A4GALT: variants seen among roughly 807,000 people sequenced by gnomAD.
The protein encoded by A4GALT is lactosylceramide 4-alpha-galactosyltransferase.
For synonymous variants in A4GALT, 257 were observed against 220.7 expected, an observed-to-expected ratio of 1.16 and a Z score of -1.46; for missense variants, 512 against 486.0, an observed-to-expected ratio of 1.05 and a Z score of -0.50.
intron 1 of A4GALT, among the ~76,000 whole-genome samples, chr22:42,716,978 G>A (rs901646635): frequency 3.9e-5 from 6 of 152,190 alleles, no homozygotes; most frequent in Admixed American, 6.5e-5. Context: ...ACTGCACAGC[G>A]TGACCGCAGA....
At position 42,692,847 on chromosome 22, in the gene A4GALT, T is replaced by G. The variant is rs772699379; in HGVS notation, c.*43A>C. 62 of 1,594,044 alleles carry G rather than the reference T, an allele frequency of 3.9e-5. No individual in the cohort carries two copies. Among genetic ancestry groups the G allele is most frequent in the Non-Finnish European group, 5.1e-5 (60 of 1,175,994 alleles). ...TGCCTCCCCGGGAAGGGCGGCCCAGTGCCCCATCAGGAGCAGGTTGGGGAG... is the reference window on the plus strand; with the variant it reads ...TGCCTCCCCGGGAAGGGCGGCCCAGGGCCCCATCAGGAGCAGGTTGGGGAG... On this transcript the variant is annotated 3_prime_UTR_variant, in exon 3 of 3. Transcript: ENST00000642412. This position sits in a 1 kb window ranked among gnomAD's most constrained non-coding sequence, Gnocchi z 4.6.
chr22:42,702,301 C>CT (rs200503653), intron 1 of A4GALT, among the ~76,000 whole-genome samples: 2,261 of 151,780 alleles, frequency 0.015, 61 homozygotes, highest in African/African-American at 0.052. Flanking sequence ...TGTGTCCCCC[C>CT]CCGGAAAAAG....
chr22:42,720,725 T>A (rs1429312691), intron 1 of A4GALT, 72 bp downstream of exon 1: 4 of 150,672 alleles, frequency 2.7e-5, no homozygotes, highest in African/African-American at 9.8e-5. Context: ...CCGAGGCGCC[T>A]CCTCCCCACT....
At position 42,705,474 on chromosome 22, in the gene A4GALT, G is replaced by A. The variant is rs530086848; in HGVS notation, c.-187-9843C>T. Among the ~76,000 whole-genome samples, 39 of 128,512 alleles carry A rather than the reference G, an allele frequency of 3.0e-4. 7 individuals carry two copies. The South Asian group carries it at 9.1e-3, about 30-fold the overall frequency. The allele number at this position is 128,512 out of a possible 152,430, so 84.3% of individuals were successfully genotyped here. A position where few individuals can be genotyped will look rare whatever the true frequency, so the allele number is the denominator to read the frequency against. On this transcript the variant is annotated intron_variant, in intron 1 of 2. Transcript: ENST00000642412. ...AAAAATTAGCTGGGCATGGTGGCGCGTGCCTGTAGTCCCAGCTACTTGGGA... is the reference window on the plus strand; with the variant it reads ...AAAAATTAGCTGGGCATGGTGGCGCATGCCTGTAGTCCCAGCTACTTGGGA...
intron 1 of A4GALT, among the ~76,000 whole-genome samples, chr22:42,704,880 G>A (rs1382292561): frequency 8.9e-5 from 1 of 11,212 alleles, no homozygotes; most frequent in Admixed American, 6.5e-4. Context: ...GGGGGGGGGC[G>A]GGGGGGGGCG....
At chr22:42,705,704 T>C (rs1261771272) in intron 1 of A4GALT, among the ~76,000 whole-genome samples, 8 of 124,716 alleles carry the variant, frequency 6.4e-5, no homozygotes, top group Admixed American at 1.6e-4. Context: ...ATAAAAACAC[T>C]TTAAAAAGTA....
rs747885876 is a variant in A4GALT, at chr22:42,693,993, C to T, written c.-42G>A. 5.2e-5 allele frequency: 80 copies of T among 1,533,340 alleles called. No homozygotes were observed. The highest frequency in any genetic ancestry group is 6.2e-5 in the Non-Finnish European group (71 of 1,136,234). The allele number at this position is 1,533,340 out of a possible 1,614,324, so 95.0% of individuals were successfully genotyped here. A position where few individuals can be genotyped will look rare whatever the true frequency, so the allele number is the denominator to read the frequency against. On this transcript the variant is annotated 5_prime_UTR_variant, in exon 3 of 3. Transcript: ENST00000642412. ...ACCAGGAGCTTCCAGCAGGAACCGGCTGGTCTGCAAGAGATGAGCACCCGC... is the reference window on the plus strand; with the variant it reads ...ACCAGGAGCTTCCAGCAGGAACCGGTTGGTCTGCAAGAGATGAGCACCCGC...
intron 1 of A4GALT, among the ~76,000 whole-genome samples, chr22:42,717,429 G>A (rs9620088): frequency 0.21 from 32,131 of 151,966 alleles, 3,953 homozygotes; most frequent in East Asian, 0.6. Flanking sequence ...CCTCCCCTCC[G>A]CTGACTTCCA....
At position 42,693,089 on chromosome 22, in the gene A4GALT, G is replaced by A. The variant is rs1178905875; in HGVS notation, c.863C>T (p.Pro288Leu). 2 of 1,613,090 alleles carry A rather than the reference G, an allele frequency of 1.2e-6. No individual in the cohort carries two copies. The highest frequency in any genetic ancestry group is 1.1e-5 in the South Asian group (1 of 90,998). ...TLPPEAFYPI[P>L]WQDWKKYFED... Reference sequence around the variant, plus strand: ...AAAGTACTTCTTCCAGTCCTGCCAGGGGATGGGGTAGAAGGCCTCAGGGGG... The same window carrying A: ...AAAGTACTTCTTCCAGTCCTGCCAGAGGATGGGGTAGAAGGCCTCAGGGGG... Residue 288 changes from proline (P) to leucine (L), a missense_variant, in exon 3 of 3, where the codon CCC becomes CTC. By Grantham distance (98) the Pro-to-Leu change is moderately conservative. Coordinates refer to ENST00000642412, the MANE Select transcript of A4GALT (RefSeq NM_017436.7).
intron 1 of A4GALT, among the ~76,000 whole-genome samples, chr22:42,712,925 G>C (rs1339079041): frequency 6.6e-6 from 1 of 152,064 alleles, no homozygotes; most frequent in Non-Finnish European, 1.5e-5. Flanking sequence ...AACAAAAATA[G>C]TAGCAAAAGA....
Position 42,694,000 on chromosome 22 carries a change from G to A in A4GALT, c.-46-3C>T. On this transcript the variant is annotated splice_polypyrimidine_tract_variant and splice_region_variant and intron_variant, in intron 2 of 2. Transcript: ENST00000642412. ...GCTTCCAGCAGGAACCGGCTGGTCTGCAAGAGATGAGCACCCGCCATCAGG... is the reference window on the plus strand; with the variant it reads ...GCTTCCAGCAGGAACCGGCTGGTCTACAAGAGATGAGCACCCGCCATCAGG... 2 of 1,504,198 alleles carry A rather than the reference G, an allele frequency of 1.3e-6. No individual in the cohort carries two copies. The highest frequency in any genetic ancestry group is 2.4e-5 in the South Asian group (2 of 83,396). The allele number at this position is 1,504,198 out of a possible 1,614,324, so 93.2% of individuals were successfully genotyped here. A position where few individuals can be genotyped will look rare whatever the true frequency, so the allele number is the denominator to read the frequency against.
At position 42,693,312 on chromosome 22, in the gene A4GALT, AGCGGGACT is replaced by A; in HGVS notation, c.632_639del (p.Gln211LeufsTer69). 1 of 1,613,110 alleles carries A rather than the reference AGCGGGACT, an allele frequency of 6.2e-7. No homozygotes were observed. The highest frequency in any genetic ancestry group is 8.5e-7 in the Non-Finnish European group (1 of 1,179,986). The stretch of plus-strand genomic sequence containing the variant: ...GCCAGGAACGCGCCGTTGAGGACGT[AGCGGGACT>A]GGGTGCCCAGCACGTTGGTCAGGTT... On this transcript the variant is annotated frameshift_variant, in exon 3 of 3. Transcript: ENST00000642412. LOFTEE classifies it low-confidence loss of function (END_TRUNC).
rs1930607812 is a variant in A4GALT at position 42,693,239 on chromosome 22, A to G, written c.713T>C (p.Val238Ala). 1 of 1,610,984 alleles carries G rather than the reference A, an allele frequency of 6.2e-7. No individual in the cohort carries two copies. Among genetic ancestry groups the G allele is most frequent in the South Asian group, 1.1e-5 (1 of 90,808 alleles). The change falls in exon 3 of 3, where the codon GTG becomes GCG. Residue 238 changes from valine to alanine, a missense_variant. Physicochemically the swap from Val to Ala is moderately conservative, Grantham distance 64 (BLOSUM62 0). Coordinates refer to ENST00000642412, the MANE Select transcript of A4GALT (RefSeq NM_017436.7). ...CCAGATCCAGCCGTTGTAGTGGTCC[A>G]CGAAGTCCCGCATGCACAGCGCCAT... ...EFMALCMRDF[V>A]DHYNGWIWGH...
intron 1 of A4GALT, among the ~76,000 whole-genome samples, chr22:42,701,369 A>T (rs1369731256): frequency 6.6e-6 from 1 of 152,166 alleles, no homozygotes; most frequent in African/African-American, 2.4e-5. Flanking sequence ...AGACTCAGAC[A>T]GGAGCCCGAG....
At chr22:42,700,040 C>A (rs1286840790) in intron 1 of A4GALT, among the ~76,000 whole-genome samples, 2 of 152,228 alleles carry the variant, frequency 1.3e-5, no homozygotes, top group Non-Finnish European at 2.9e-5. Flanking sequence ...CAGGGGCCTA[C>A]ACCAACACTG....
intron 1 of A4GALT, among the ~76,000 whole-genome samples, chr22:42,714,138 A>T (rs1262728649): frequency 6.6e-6 from 1 of 151,510 alleles, no homozygotes; most frequent in Non-Finnish European, 1.5e-5. Context: ...AAATAAAACA[A>T]TTAGCCAGGG....
intron 1 of A4GALT, among the ~76,000 whole-genome samples, chr22:42,715,461 C>A (rs1209868054): frequency 6.6e-6 from 1 of 152,108 alleles, no homozygotes; most frequent in African/African-American, 2.4e-5. Flanking sequence ...GTGGCTCATG[C>A]CTGTAATCCC....
chr22:42,717,570 G>C (rs1922304999), intron 1 of A4GALT, among the ~76,000 whole-genome samples: 2 of 152,228 alleles, frequency 1.3e-5, no homozygotes, highest in South Asian at 4.1e-4. Context: ...TCAGTCCTCG[G>C]AGACCTCAGC....
At chr22:42,697,020 G>A (rs537023385) in intron 1 of A4GALT, among the ~76,000 whole-genome samples, 36 of 150,808 alleles carry the variant, frequency 2.4e-4, no homozygotes, top group African/African-American at 8.3e-4. Flanking sequence ...TCTAACACAC[G>A]GTACATCCTA....
Sources: gnomAD v4.1 joint callset for allele counts (sites outside exome capture counted in the v4.1 genomes callset) on GRCh38, gnomAD v4.1.1 for gene constraint, Gnocchi (gnomAD v3.1) non-coding constraint, MANE v1.5 for transcripts, NCBI Gene and HGNC (gene_info 2026-07-23, HGNC 2026-07-21) for gene names.